PTPRN2: variants seen among roughly 807,000 people sequenced by gnomAD.
PTPRN2 encodes receptor-type tyrosine-protein phosphatase N2.
In PTPRN2, 74 loss-of-function variants were observed where a neutral mutation model predicts 118.8. The ratio of observed to expected loss-of-function variants is 0.62; its 90% CI spans 0.52 to 0.76. PTPRN2 has a LOEUF of 0.76. PTPRN2 is among the 30% of genes least tolerant of loss of function. PTPRN2 has a pLI of 0.00. For synonymous variants in PTPRN2, 641 were observed against 608.0 expected, an observed-to-expected ratio of 1.05 and a Z score of -0.80; for missense variants, 1,481 against 1,394.4, an observed-to-expected ratio of 1.06 and a Z score of -0.99.
chr7:157,743,289 C>T (rs1003317534), intron 12 of PTPRN2, among the ~76,000 whole-genome samples: 3 of 152,136 alleles, frequency 2.0e-5, no homozygotes, highest in Non-Finnish European at 4.4e-5. Context: ...CCTTCCACAG[C>T]GAGGTCTGGT....
rs577910771 is a variant in PTPRN2, at chr7:158,265,357, G to A, written c.277+51462C>T. Among the ~76,000 whole-genome samples the A allele has an allele frequency of 1.4e-4, 22 of 152,004 alleles. 1 individual carries two copies. The South Asian group carries it at 2.1e-3, about 14-fold the overall frequency. On this transcript the variant is annotated intron_variant, in intron 3 of 22. Transcript: ENST00000389418. ...ACTTGTGGATGCACACCTGCAGGCA[G>A]GTACATACCTATGGGCACATACTTG...
chr7:157,786,051 T>C (rs988308219), intron 12 of PTPRN2, among the ~76,000 whole-genome samples: 1 of 152,138 alleles, frequency 6.6e-6, no homozygotes, highest in African/African-American at 2.4e-5. Context: ...CTCTGCCCCC[T>C]GTGGGGCACG....
intron 10 of PTPRN2, among the ~76,000 whole-genome samples, chr7:158,100,409 G>A (rs1027139895): frequency 6.6e-6 from 1 of 152,140 alleles, no homozygotes; most frequent in Non-Finnish European, 1.5e-5. Flanking sequence ...TTGTCCTCCA[G>A]GTAGATACCC....
Position 157,802,005 on chromosome 7 carries a change from C to T in PTPRN2, c.1788+96668G>A, listed in dbSNP as rs138413885. Among the ~76,000 whole-genome samples, 710 of 152,278 alleles carry T rather than the reference C, an allele frequency of 4.7e-3. 7 individuals are homozygous for T. The highest frequency in any genetic ancestry group is 0.01 in the African/African-American group (428 of 41,558). On this transcript the variant is annotated intron_variant, in intron 12 of 22. Transcript: ENST00000389418. ...GCTTGTGGCACCTGGCTGGACTTCTCGGCGTGCAGCTCCTTCGTCCACCGT... is the reference window on the plus strand; with the variant it reads ...GCTTGTGGCACCTGGCTGGACTTCTTGGCGTGCAGCTCCTTCGTCCACCGT...
At chr7:158,455,763 T>C (rs10237121) in intron 2 of PTPRN2, among the ~76,000 whole-genome samples, 23,294 of 107,828 alleles carry the variant, frequency 0.22, 3,548 homozygotes, top group East Asian at 0.34. Context: ...GACAACGGCA[T>C]GGACGCCATC....
chr7:158,522,569 C>T (rs1824283567), intron 1 of PTPRN2, among the ~76,000 whole-genome samples: 1 of 152,152 alleles, frequency 6.6e-6, no homozygotes, highest in South Asian at 2.1e-4. Context: ...TGTGTGTGTA[C>T]AGCGAATCGC....
At chr7:158,281,484 T>C (rs962103710) in intron 3 of PTPRN2, among the ~76,000 whole-genome samples, 3 of 152,186 alleles carry the variant, frequency 2.0e-5, no homozygotes, top group African/African-American at 7.2e-5. Flanking sequence ...CATGTAACTT[T>C]ACAGTATAAG....
At chr7:158,491,459 T>G (rs1164205489) in intron 1 of PTPRN2, among the ~76,000 whole-genome samples, 1 of 152,192 alleles carries the variant, frequency 6.6e-6, no homozygotes, top group Non-Finnish European at 1.5e-5. Flanking sequence ...GGAGTTTTTG[T>G]TTGTTTTGTT....
chr7:157,975,766 T>C (rs79267590), intron 11 of PTPRN2, among the ~76,000 whole-genome samples: 3 of 152,104 alleles, frequency 2.0e-5, no homozygotes, highest in East Asian at 1.9e-4. Flanking sequence ...TTTTTTTTTT[T>C]CCATTGCATG....
rs1399807715 is a variant in PTPRN2, at chr7:158,022,874, A to G, written c.1723+58424T>C. ...AATATCCCTGGACCTTAGAAACCTC[A>G]ATGATCAAGAGTAGCGTTTCCCTCC... On this transcript the variant is annotated intron_variant, in intron 11 of 22. Transcript: ENST00000389418. This position sits in a 1 kb window ranked among gnomAD's most constrained non-coding sequence, Gnocchi z 4.6. 1.3e-5 allele frequency among the ~76,000 whole-genome samples: 2 copies of G among 152,208 alleles called. No individual in the cohort carries two copies. Among genetic ancestry groups the G allele is most frequent in the Non-Finnish European group, 1.5e-5 (1 of 68,040 alleles).
At chr7:158,445,603 G>A (rs535697767) in intron 2 of PTPRN2, among the ~76,000 whole-genome samples, 39 of 152,292 alleles carry the variant, frequency 2.6e-4, no homozygotes, top group Non-Finnish European at 5.0e-4. Context: ...AGCCCATAAC[G>A]GGGCCGTCCT....
intron 3 of PTPRN2, among the ~76,000 whole-genome samples, chr7:158,215,618 G>A (rs1452517078): frequency 1.3e-5 from 2 of 152,132 alleles, no homozygotes; most frequent in African/African-American, 2.4e-5. Flanking sequence ...ACAGCAGCCA[G>A]AGAAAAATGA....
intron 12 of PTPRN2, among the ~76,000 whole-genome samples, chr7:157,730,316 G>A (rs1282811327): frequency 6.6e-6 from 1 of 152,198 alleles, no homozygotes; most frequent in African/African-American, 2.4e-5. Context: ...TAAACTTCCT[G>A]GAACTGTTTT....
chr7:157,771,744 G>C (rs1170816465), intron 12 of PTPRN2, among the ~76,000 whole-genome samples: 2 of 149,918 alleles, frequency 1.3e-5, no homozygotes, highest in Non-Finnish European at 1.5e-5. Flanking sequence ...AACAGACGCA[G>C]ATACAGACAC....
chr7:157,736,626 G>A (rs1382007143), intron 12 of PTPRN2, among the ~76,000 whole-genome samples: 1 of 150,742 alleles, frequency 6.6e-6, no homozygotes, highest in East Asian at 2.0e-4. Flanking sequence ...AATGCACCCA[G>A]TCTGTGGTCC....
Position 158,526,134 on chromosome 7 carries a change from A to G in PTPRN2, c.113-36349T>C, listed in dbSNP as rs1001200280. ...ATGATGACTTCCTACAGCTTCTGAAAGGGCCCGCTCTGGGGGGAGCCACAT... is the reference window on the plus strand; with the variant it reads ...ATGATGACTTCCTACAGCTTCTGAAGGGGCCCGCTCTGGGGGGAGCCACAT... On this transcript the variant is annotated intron_variant, in intron 1 of 22. Coordinates refer to ENST00000389418, the MANE Select transcript of PTPRN2 (RefSeq NM_002847.5). The surrounding 1 kb of genome is among the most constrained non-coding windows in gnomAD (Gnocchi z 5.2). Among the ~76,000 whole-genome samples the G allele has an allele frequency of 3.9e-5, 6 of 152,034 alleles. No homozygotes were observed. The highest frequency in any genetic ancestry group is 1.5e-4 in the African/African-American group (6 of 41,344).
chr7:157,719,584 G>A (rs2150910394), intron 12 of PTPRN2, among the ~76,000 whole-genome samples: 1 of 152,368 alleles, frequency 6.6e-6, no homozygotes, highest in Non-Finnish European at 1.5e-5. Flanking sequence ...CTGGCATGAA[G>A]GCAGAAAGAA....
intron 2 of PTPRN2, among the ~76,000 whole-genome samples, chr7:158,476,671 G>A (rs1820289771): frequency 6.6e-6 from 1 of 152,252 alleles, no homozygotes; most frequent in Non-Finnish European, 1.5e-5. Context: ...AGGCTGCCAG[G>A]CAGCCTGGAG....
chr7:157,688,672 G>C (rs1005957248), intron 12 of PTPRN2, among the ~76,000 whole-genome samples: 1 of 152,140 alleles, frequency 6.6e-6, no homozygotes, highest in Admixed American at 6.5e-5. Flanking sequence ...CTTCAGGACT[G>C]GGGGGGTTAC....
Sources: gnomAD v4.1 joint callset for allele counts (sites outside exome capture counted in the v4.1 genomes callset) on GRCh38, gnomAD v4.1.1 for gene constraint, Gnocchi (gnomAD v3.1) non-coding constraint, MANE v1.5 for transcripts, NCBI Gene and HGNC (gene_info 2026-07-23, HGNC 2026-07-21) for gene names.